Variants in MECOM observed in about 807,000 individuals in gnomAD.
MECOM encodes MDS1 and EVI1 complex locus.
Under a neutral mutation model 116.3 loss-of-function variants are expected in MECOM, and 13 were observed. The ratio of observed to expected loss-of-function variants is 0.11; its 90% CI spans 0.07 to 0.18. MECOM has a LOEUF of 0.18. Among genes scored for constraint, MECOM ranks in the 10% least tolerant of loss-of-function variants. The pLI is 1.00. For missense variants in MECOM, 1,299 were observed against 1,509.0 expected (o/e 0.86, Z 2.31); for synonymous variants, 528 against 535.2 (o/e 0.99, Z 0.19).
chr3:169,299,136 G>A (rs959419218), intron 2 of MECOM, among the ~76,000 whole-genome samples: 3 of 152,076 alleles, frequency 2.0e-5, no homozygotes, highest in Non-Finnish European at 4.4e-5. Flanking sequence ...AGAACTCCTA[G>A]TTCTCACTAG....
At chr3:169,184,720 G>A (rs1157121521) in intron 2 of MECOM, among the ~76,000 whole-genome samples, 1 of 152,102 alleles carries the variant, frequency 6.6e-6, no homozygotes, top group African/African-American at 2.4e-5. Flanking sequence ...TGGACAACAG[G>A]GAGCCAGAGT....
At chr3:169,486,070 T>C (rs73174323) in intron 1 of MECOM, among the ~76,000 whole-genome samples, 6,020 of 135,160 alleles carry the variant, frequency 0.045, 143 homozygotes, top group East Asian at 0.15. Context: ...CCCAGAGACA[T>C]CACCAAGTTT....
At chr3:169,347,752 T>A (rs1262383233) in intron 2 of MECOM, among the ~76,000 whole-genome samples, 1 of 152,048 alleles carries the variant, frequency 6.6e-6, no homozygotes, top group African/African-American at 2.4e-5. Context: ...TATTAGAAAT[T>A]CTGTGTGGAT....
chr3:169,594,813 C>G (rs1035360184), intron 1 of MECOM, among the ~76,000 whole-genome samples: 2 of 145,624 alleles, frequency 1.4e-5, no homozygotes, highest in Non-Finnish European at 3.0e-5. Flanking sequence ...CAAGGCAACA[C>G]AGCAGGCCTA....
At chr3:169,298,568 A>C (rs1317217668) in intron 2 of MECOM, among the ~76,000 whole-genome samples, 1 of 152,148 alleles carries the variant, frequency 6.6e-6, no homozygotes, top group Non-Finnish European at 1.5e-5. Flanking sequence ...CAAAGATTGA[A>C]TTTGGCCCTA....
intron 1 of MECOM, 146 bp downstream of exon 1, chr3:169,663,190 A>T (rs1227837578): frequency 2.3e-6 from 2 of 852,702 alleles, no homozygotes; most frequent in African/African-American, 1.7e-5. Flanking sequence ...TGGAACCGGC[A>T]GGTTGCTGGG....
chr3:169,367,335 T>A (rs1729352443), intron 2 of MECOM, among the ~76,000 whole-genome samples: 1 of 133,650 alleles, frequency 7.5e-6, no homozygotes, highest in African/African-American at 3.3e-5. Context: ...AGAAAAGATG[T>A]GATTTGGTTT....
chr3:169,570,860 T>C (rs1196337822), intron 1 of MECOM, among the ~76,000 whole-genome samples: 1 of 152,178 alleles, frequency 6.6e-6, no homozygotes, highest in Non-Finnish European at 1.5e-5. Context: ...GAGCTACTTA[T>C]GACAAACCCA....
At chr3:169,528,605 T>A (rs1016863752) in intron 1 of MECOM, among the ~76,000 whole-genome samples, 1 of 152,244 alleles carries the variant, frequency 6.6e-6, no homozygotes, top group Non-Finnish European at 1.5e-5. Flanking sequence ...ATGATGTGAA[T>A]GAATAAAATG....
chr3:169,647,880 G>A (rs1774377156), intron 1 of MECOM, among the ~76,000 whole-genome samples: 1 of 152,100 alleles, frequency 6.6e-6, no homozygotes, highest in African/African-American at 2.4e-5. Context: ...CCATACTGAT[G>A]AGTAGCAAAC....
chr3:169,371,592 T>C (rs751252890), intron 2 of MECOM, among the ~76,000 whole-genome samples: 1 of 151,818 alleles, frequency 6.6e-6, no homozygotes, highest in South Asian at 2.1e-4. Context: ...ATTGTGGTAA[T>C]CATTTTACAA....
intron 1 of MECOM, among the ~76,000 whole-genome samples, chr3:169,659,773 G>A (rs889546802): frequency 1.6e-4 from 25 of 152,148 alleles, no homozygotes; most frequent in African/African-American, 5.1e-4. Context: ...GTTGTTGTGG[G>A]GGGGTTGTTT....
intron 2 of MECOM, among the ~76,000 whole-genome samples, chr3:169,248,953 C>G (rs1201675375): frequency 1.3e-5 from 2 of 152,128 alleles, no homozygotes; most frequent in Admixed American, 6.5e-5. Context: ...TCTGTTGGGA[C>G]AGCCCTAGTA....
At chr3:169,405,461 C>T (rs1008469631) in intron 1 of MECOM, among the ~76,000 whole-genome samples, 12 of 152,070 alleles carry the variant, frequency 7.9e-5, no homozygotes, top group Non-Finnish European at 8.8e-5. Flanking sequence ...GTTCAGTGTC[C>T]TCGACTTACT....
intron 2 of MECOM, among the ~76,000 whole-genome samples, chr3:169,357,721 A>G (rs149698666): frequency 6.6e-6 from 1 of 151,942 alleles, no homozygotes; most frequent in East Asian, 1.9e-4. Flanking sequence ...TTAGATAGAT[A>G]ATTAATTTAA....
At chr3:169,344,972 G>C (rs528998403) in intron 2 of MECOM, among the ~76,000 whole-genome samples, 4 of 152,260 alleles carry the variant, frequency 2.6e-5, no homozygotes, top group Admixed American at 1.3e-4. Context: ...AAACTAAACT[G>C]GGACTGAGAA....
At chr3:169,423,270 C>T (rs974053876) in intron 1 of MECOM, among the ~76,000 whole-genome samples, 8 of 152,012 alleles carry the variant, frequency 5.3e-5, no homozygotes, top group Non-Finnish European at 1.2e-4. Context: ...TTTCACACAT[C>T]GAGGTATCAA....
intron 1 of MECOM, among the ~76,000 whole-genome samples, chr3:169,384,144 A>G (rs1338090817): frequency 6.6e-6 from 1 of 152,162 alleles, no homozygotes; most frequent in Non-Finnish European, 1.5e-5. Context: ...CTTTTTCAGA[A>G]TTGTCCAAGT....
At chr3:169,483,738 T>C in intron 1 of MECOM, 1 of 1,594,206 alleles carries the variant, frequency 6.3e-7, no homozygotes, top group South Asian at 1.1e-5. Context: ...GTAACTCTCT[T>C]TGCTGTTAGC....
Sources: gnomAD v4.1 joint callset for allele counts (sites outside exome capture counted in the v4.1 genomes callset) on GRCh38, gnomAD v4.1.1 for gene constraint, MANE v1.5 for transcripts, NCBI Gene and HGNC (gene_info 2026-07-23, HGNC 2026-07-21) for gene names.